The following SLC12A2 variants were observed in gnomAD, a reference collection of about 807,000 sequenced individuals.
The protein encoded by SLC12A2 is solute carrier family 12 member 2, also known as Na-K-2Cl cotransporter 1.
In SLC12A2, 67 loss-of-function variants were observed where a neutral mutation model predicts 136.3. The observed-to-expected ratio is 0.49, with a 90% CI of 0.40 to 0.60. SLC12A2 has a LOEUF of 0.60. SLC12A2 is among the 20% of genes least tolerant of loss of function. The pLI is 0.00. For missense variants in SLC12A2, 1,322 were observed against 1,534.7 expected (o/e 0.86, Z 2.32); for synonymous variants, 619 against 562.9 (o/e 1.10, Z -1.41).
intron 15 of SLC12A2, among the ~76,000 whole-genome samples, chr5:128,153,426 A>C (rs943010371): frequency 1.3e-5 from 2 of 152,102 alleles, no homozygotes; most frequent in Non-Finnish European, 2.9e-5. Flanking sequence ...GTAGTGGCGC[A>C]TGCCTGTAGT....
chr5:128,151,329 G>A lies in SLC12A2; in HGVS notation c.2196G>A (p.Trp732Ter). 1 of 1,612,524 alleles carries A rather than the reference G, an allele frequency of 6.2e-7. No homozygotes were observed. Among genetic ancestry groups the A allele is most frequent in the Non-Finnish European group, 8.5e-7 (1 of 1,179,308 alleles). The change falls in exon 14 of 27, where the codon TGG (tryptophan) becomes TGA (stop). Residue 732 changes from tryptophan to a stop codon, truncating the protein, a stop_gained. Transcript: ENST00000262461. LOFTEE classifies it high-confidence loss of function. ...LCCIVMFVINWWAALLTYVIV... is the reference protein window; with the variant it reads ...LCCIVMFVIN ...GCATAGTAATGTTCGTCATTAACTG[G>A]TGGGCTGCATTGCTAACATATGTGA...
Position 128,083,978 on chromosome 5 carries a change from C to A in SLC12A2, c.24C>A (p.Pro8=). Residue 8 remains proline, a synonymous_variant, in exon 1 of 27, where the codon CCC becomes CCA. Transcript: ENST00000262461. The part of the protein sequence containing the change: MEPRPTA[P]SSGAPGLAGV... ...CTATGGAGCCGCGGCCCACGGCGCCCTCCTCCGGCGCCCCGGGACTGGCCG... is the reference window on the plus strand; with the variant it reads ...CTATGGAGCCGCGGCCCACGGCGCCATCCTCCGGCGCCCCGGGACTGGCCG... 8.1e-7 allele frequency: 1 copy of A among 1,242,040 alleles called. No individual in the cohort carries two copies. The highest frequency in any genetic ancestry group is 1.0e-6 in the Non-Finnish European group (1 of 993,408). The allele number at this position is 1,242,040 out of a possible 1,614,324, so 76.9% of individuals were successfully genotyped here.
intron 4 of SLC12A2, among the ~76,000 whole-genome samples, chr5:128,123,840 G>C (rs556799130): frequency 6.6e-6 from 1 of 152,188 alleles, no homozygotes; most frequent in South Asian, 2.1e-4. Flanking sequence ...TTTTGGAATG[G>C]TATCTAAGAA....
intron 18 of SLC12A2, chr5:128,170,183 C>A (rs561650537): frequency 6.6e-6 from 1 of 152,142 alleles, no homozygotes; most frequent in African/African-American, 2.4e-5. Flanking sequence ...TTGTTTTAAT[C>A]CACAGTAAAC....
chr5:128,093,548 A>G (rs1440246661), intron 1 of SLC12A2, among the ~76,000 whole-genome samples: 2 of 152,052 alleles, frequency 1.3e-5, no homozygotes, highest in Non-Finnish European at 2.9e-5. Context: ...TGTGTGCTAT[A>G]TCTCTCGGAA....
At chr5:128,178,910 A>T (rs1581140461) in intron 22 of SLC12A2, among the ~76,000 whole-genome samples, 2 of 152,042 alleles carry the variant, frequency 1.3e-5, no homozygotes, top group African/African-American at 4.8e-5. Flanking sequence ...GAGCTTCATG[A>T]CCTTAACTTT....
At chr5:128,119,950 A>G (rs1008732012) in intron 4 of SLC12A2, among the ~76,000 whole-genome samples, 2 of 152,188 alleles carry the variant, frequency 1.3e-5, no homozygotes, top group African/African-American at 4.8e-5. Flanking sequence ...AATTTTCCCA[A>G]CCTACTCATC....
chr5:128,148,063 A>G (rs1429321699), intron 11 of SLC12A2, among the ~76,000 whole-genome samples: 1 of 151,662 alleles, frequency 6.6e-6, no homozygotes, highest in African/African-American at 2.4e-5. Flanking sequence ...AGGAAGTAGT[A>G]AAATATCTTT....
intron 17 of SLC12A2, among the ~76,000 whole-genome samples, chr5:128,162,531 T>G (rs1460506879): frequency 6.6e-6 from 1 of 152,108 alleles, no homozygotes; most frequent in Non-Finnish European, 1.5e-5. Context: ...TAGGGAAGAA[T>G]GAGGCACCAA....
Position 128,130,956 on chromosome 5 carries a change from C to G in SLC12A2, c.1049-111C>G, listed in dbSNP as rs181186156. 3.1e-6 allele frequency: 3 copies of G among 953,260 alleles called. No individual in the cohort carries two copies. The East Asian group carries it at 7.2e-5, about 23-fold the overall frequency. 59.1% of individuals were successfully genotyped at this position (953,260 alleles called of 1,614,324 possible). A position where few individuals can be genotyped will look rare whatever the true frequency, so the allele number is the denominator to read the frequency against. ...TCACTCACTTGCCTCTTTAACTGCT[C>G]TGCTTATTGGGGGCATCTGCTTTGT... On this transcript the variant is annotated intron_variant, in intron 4 of 26. Transcript: ENST00000262461.
At chr5:128,148,513 A>T (rs1040004004) in intron 11 of SLC12A2, among the ~76,000 whole-genome samples, 2 of 151,750 alleles carry the variant, frequency 1.3e-5, no homozygotes, top group South Asian at 4.1e-4. Context: ...CTTCTTCATA[A>T]AATTTAATTT....
intron 7 of SLC12A2, 130 bp from the exon 8 acceptor site, chr5:128,138,467 T>C: frequency 1.3e-6 from 1 of 752,016 alleles, no homozygotes; most frequent in Non-Finnish European, 2.1e-6. Context: ...AACTGGGAAA[T>C]ATGCAAAAAT....
chr5:128,177,269 C>A, intron 21 of SLC12A2, 117 bp downstream of exon 21: 1 of 682,656 alleles, frequency 1.5e-6, no homozygotes, highest in Non-Finnish European at 2.4e-6. Context: ...GGTAATGTTA[C>A]AGTTCTATAA....
chr5:128,129,521 A>G (rs1199469377), intron 4 of SLC12A2, among the ~76,000 whole-genome samples: 2 of 150,142 alleles, frequency 1.3e-5, no homozygotes, highest in East Asian at 1.9e-4. Context: ...AGAAAGTTTT[A>G]TAGTGGATGG....
chr5:128,186,737 T>C lies in SLC12A2; in HGVS notation c.*106T>C. On this transcript the variant is annotated 3_prime_UTR_variant, in exon 27 of 27. Transcript: ENST00000262461. ...CATCACAATGGCGAATGGTGACTTTTCTTTCACGATTTCATTAATTTGAAA... is the reference window on the plus strand; with the variant it reads ...CATCACAATGGCGAATGGTGACTTTCCTTTCACGATTTCATTAATTTGAAA... 8.4e-7 allele frequency: 1 copy of C among 1,185,448 alleles called. No individual in the cohort carries two copies. Among genetic ancestry groups the C allele is most frequent in the South Asian group, 1.6e-5 (1 of 62,380 alleles). The allele number at this position is 1,185,448 out of a possible 1,614,324, so 73.4% of individuals were successfully genotyped here. A position where few individuals can be genotyped will look rare whatever the true frequency, so the allele number is the denominator to read the frequency against.
intron 6 of SLC12A2, 114 bp from the exon 7 acceptor site, chr5:128,135,577 ACTGGGGAAT>A: frequency 1.5e-6 from 1 of 654,988 alleles, no homozygotes; most frequent in South Asian, 1.9e-5. Context: ...TGTTTAAGGC[ACTGGGGAAT>A]CAGGCAAAAC....
At chr5:128,181,967 T>A (rs1763721166) in intron 23 of SLC12A2, among the ~76,000 whole-genome samples, 1 of 142,816 alleles carries the variant, frequency 7.0e-6, no homozygotes, top group Non-Finnish European at 1.5e-5. Context: ...TATGTTTCCT[T>A]CTGGAATCAC....
chr5:128,155,442 G>T (rs1205649440), intron 15 of SLC12A2, among the ~76,000 whole-genome samples: 3 of 151,960 alleles, frequency 2.0e-5, no homozygotes, highest in South Asian at 2.1e-4. Context: ...ATCATATTTG[G>T]TATTTATATT....
At position 128,110,594 on chromosome 5, in the gene SLC12A2, G is replaced by A. The variant is rs1395615458; in HGVS notation, c.757-2220G>A. 6 of 1,092,122 alleles carry A rather than the reference G, an allele frequency of 5.5e-6. No homozygotes were observed. The African/African-American group carries it at 6.2e-5, about 11-fold the overall frequency. 67.7% of individuals were successfully genotyped at this position (1,092,122 alleles called of 1,614,324 possible). A position where few individuals can be genotyped will look rare whatever the true frequency, so the allele number is the denominator to read the frequency against. ...CATAAGTATCAAATAAATATTGATG[G>A]CATCGTAGCAGCTTATCACCTGCCA... is the stretch of plus-strand genomic sequence containing the variant. On this transcript the variant is annotated intron_variant, in intron 1 of 26. Transcript: ENST00000262461.
Sources: gnomAD v4.1 joint callset for allele counts (sites outside exome capture counted in the v4.1 genomes callset) on GRCh38, gnomAD v4.1.1 for gene constraint, MANE v1.5 for transcripts, NCBI Gene and HGNC (gene_info 2026-07-23, HGNC 2026-07-21) for gene names.